EEF1AKMT4: variants seen among roughly 807,000 people sequenced by gnomAD.
EEF1AKMT4 encodes EEF1A lysine methyltransferase 4.
In EEF1AKMT4, 17 loss-of-function variants were observed where a neutral mutation model predicts 23.0. That is an observed-to-expected ratio of 0.74 (90% CI 0.51 to 1.11). EEF1AKMT4 has a LOEUF of 1.11. Among genes scored for constraint, EEF1AKMT4 ranks in the 50% least tolerant of loss-of-function variants. EEF1AKMT4 has a pLI of 0.00. For missense variants in EEF1AKMT4, 318 were observed against 333.4 expected (o/e 0.95, Z 0.36); for synonymous variants, 140 against 141.4 (o/e 0.99, Z 0.07).
intron 1 of EEF1AKMT4, 28 bp downstream of exon 1, chr3:184,249,918 G>A: frequency 6.3e-7 from 1 of 1,598,862 alleles, no homozygotes; most frequent in African/African-American, 1.3e-5. Context: ...GGCCCCGCCA[G>A]GTAGAGCTGG....
rs372482880 is a variant in EEF1AKMT4, at chr3:184,257,599, G to A, written c.323G>A (p.Arg108His). 2.5e-5 allele frequency: 41 copies of A among 1,614,176 alleles called. No individual in the cohort carries two copies. Among genetic ancestry groups the A allele is most frequent in the African/African-American group, 4.0e-5 (3 of 75,064 alleles). The part of the protein sequence containing the change: ...QARHAHVPQL[R>H]WETMDVRKLD... ...CGCCATGCCCATGTGCCGCAGCTGC[G>A]CTGGGAGACCATGGATGTGCGGAAG... Residue 108 changes from arginine to histidine, a missense_variant, in exon 2 of 3, where the codon CGC (arginine) becomes CAC (histidine). Transcript: ENST00000324557.
intron 2 of EEF1AKMT4, 40 bp from the exon 3 acceptor site, chr3:184,258,248 G>A (rs1719901231): frequency 1.3e-6 from 2 of 1,558,004 alleles, no homozygotes; most frequent in Non-Finnish European, 1.7e-6. Flanking sequence ...AGAACCTGAA[G>A]ATCCACTTCT....
rs1442158547 is a variant in EEF1AKMT4 at position 184,249,785 on chromosome 3, C to G, written c.91C>G (p.Gln31Glu). ...AGTCGAGTACTGGGATCAGCGCTACCAAGGCGCAGCCGATTCTGCCCCCTA... is the reference window on the plus strand; with the variant it reads ...AGTCGAGTACTGGGATCAGCGCTACGAAGGCGCAGCCGATTCTGCCCCCTA... The part of the protein sequence containing the change: ...REVEYWDQRY[Q>E]GAADSAPYDW... Residue 31 changes from glutamine to glutamate, a missense_variant, in exon 1 of 3, where the codon CAA (glutamine) becomes GAA (glutamate). Gln to Glu is a conservative substitution (Grantham distance 29, BLOSUM62 2). Coordinates refer to ENST00000324557, the MANE Select transcript of EEF1AKMT4 (RefSeq NM_032331.4). 6.2e-7 allele frequency: 1 copy of G among 1,613,304 alleles called. No individual in the cohort carries two copies. The highest frequency in any genetic ancestry group is 1.1e-5 in the South Asian group (1 of 91,092).
chr3:184,255,818 A>G (rs1719773443), intron 1 of EEF1AKMT4, among the ~76,000 whole-genome samples: 1 of 152,238 alleles, frequency 6.6e-6, no homozygotes, highest in Non-Finnish European at 1.5e-5. Flanking sequence ...GACTCACCTG[A>G]GGTGAGGTCC....
intron 2 of EEF1AKMT4, among the ~76,000 whole-genome samples, 165 bp downstream of exon 2, chr3:184,257,921 G>T (rs73185796): frequency 0.034 from 5,188 of 152,246 alleles, 140 homozygotes; most frequent in Non-Finnish European, 0.055. Context: ...AAGCGGGGTC[G>T]AGATTTATAG....
rs1281871341 is a variant in EEF1AKMT4 at position 184,249,893 on chromosome 3, G to A, written c.196+3G>A. 2.5e-6 allele frequency: 4 copies of A among 1,603,910 alleles called. No individual in the cohort carries two copies. The highest frequency in any genetic ancestry group is 3.4e-6 in the Non-Finnish European group (4 of 1,172,584). On this transcript the variant is annotated splice_donor_region_variant and intron_variant, in intron 1 of 2. Transcript: ENST00000324557. ...CGAGGACCGTATCCTTGTGCTAGGT[G>A]GGTAATCCCGGCGCGGCCCCGCCAG...
At chr3:184,256,141 G>C (rs995095325) in intron 1 of EEF1AKMT4, among the ~76,000 whole-genome samples, 1 of 152,016 alleles carries the variant, frequency 6.6e-6, no homozygotes, top group Non-Finnish European at 1.5e-5. Context: ...GGGCATGGTG[G>C]TGCGTGCCTG....
intron 1 of EEF1AKMT4, among the ~76,000 whole-genome samples, chr3:184,252,840 G>T (rs1273704622): frequency 1.3e-5 from 2 of 151,574 alleles, no homozygotes; most frequent in African/African-American, 4.9e-5. Flanking sequence ...CTACTCCAGA[G>T]GCTGAGGCAA....
At chr3:184,255,616 A>C (rs911721531) in intron 1 of EEF1AKMT4, among the ~76,000 whole-genome samples, 1 of 152,218 alleles carries the variant, frequency 6.6e-6, no homozygotes. Flanking sequence ...AGGCCACTGG[A>C]TCTTCTAAGG....
rs746944025 is a variant in EEF1AKMT4 at position 184,249,790 on chromosome 3, C to A, written c.96C>A (p.Gly32=). Residue 32 remains glycine, a synonymous_variant, in exon 1 of 3, where the codon GGC becomes GGA. Transcript: ENST00000324557. ...EVEYWDQRYQ[G]AADSAPYDWF... is the part of the protein sequence containing the mutation. Reference sequence around the variant, plus strand: ...AGTACTGGGATCAGCGCTACCAAGGCGCAGCCGATTCTGCCCCCTACGATT... The same window carrying A: ...AGTACTGGGATCAGCGCTACCAAGGAGCAGCCGATTCTGCCCCCTACGATT... The A allele has an allele frequency of 6.9e-5, 112 of 1,613,166 alleles. No individual in the cohort carries two copies. The highest frequency in any genetic ancestry group is 9.2e-5 in the Non-Finnish European group (108 of 1,180,008).
chr3:184,258,129 C>T (rs926416648), intron 2 of EEF1AKMT4, among the ~76,000 whole-genome samples, 159 bp from the exon 3 acceptor site: 1 of 152,146 alleles, frequency 6.6e-6, no homozygotes, highest in African/African-American at 2.4e-5. Flanking sequence ...AAGGAATGGC[C>T]AGGGGCAGAG....
chr3:184,257,188 C>T (rs963942747), intron 1 of EEF1AKMT4, among the ~76,000 whole-genome samples: 60 of 136,120 alleles, frequency 4.4e-4, no homozygotes, highest in African/African-American at 1.5e-3. Context: ...CCAGCCTGGG[C>T]GACCGAGTGA....
At chr3:184,257,210 A>C (rs1378388447) in intron 1 of EEF1AKMT4, among the ~76,000 whole-genome samples, 1 of 78,424 alleles carries the variant, frequency 1.3e-5, no homozygotes, top group African/African-American at 6.4e-5. Flanking sequence ...AATTCATCTC[A>C]AAAAAAAAAA....
rs1010696139 is a variant in EEF1AKMT4, at chr3:184,258,452, G to A, written c.645G>A (p.Gly215=). The A allele has an allele frequency of 1.9e-6, 3 of 1,613,900 alleles. No homozygotes were observed. The highest frequency in any genetic ancestry group is 1.7e-6 in the Non-Finnish European group (2 of 1,179,910). ...HFHLYLMHKG[G]KLSVAQLALG... ...ATCTCTACCTCATGCACAAGGGCGG[G>A]AAGCTCAGTGTGGCCCAGCTGGCTC... The change falls in exon 3 of 3, where the codon GGG becomes GGA. Residue 215 remains glycine (G), a synonymous_variant. Transcript: ENST00000324557.
intron 1 of EEF1AKMT4, among the ~76,000 whole-genome samples, chr3:184,252,909 T>C (rs1269780727): frequency 7.6e-6 from 1 of 131,274 alleles, no homozygotes; most frequent in Non-Finnish European, 1.5e-5. Flanking sequence ...ATTTCACCAC[T>C]GCACTCCAGC....
At chr3:184,251,689 G>A (rs1234337581) in intron 1 of EEF1AKMT4, among the ~76,000 whole-genome samples, 1 of 152,100 alleles carries the variant, frequency 6.6e-6, no homozygotes, top group Non-Finnish European at 1.5e-5. Flanking sequence ...GCGACAGAAT[G>A]AGACCCTGTC....
Position 184,253,670 on chromosome 3 carries a change from C to CTTTTTTT in EEF1AKMT4, c.197-3791_197-3785dup, listed in dbSNP as rs34648193. Among the ~76,000 whole-genome samples, 3 of 138,716 alleles carry CTTTTTTT rather than the reference C, an allele frequency of 2.2e-5. No individual in the cohort carries two copies. The South Asian group carries it at 7.0e-4, about 32-fold the overall frequency. The allele number at this position is 138,716 out of a possible 152,430, so 91.0% of individuals were successfully genotyped here. ...AAAATGGGAATAGTAATAATAGTGT[C>CTTTTTTT]TTTTTTTTTTTTTTTTTTACATGGA... On this transcript the variant is annotated intron_variant, in intron 1 of 2. Coordinates refer to ENST00000324557, the MANE Select transcript of EEF1AKMT4 (RefSeq NM_032331.4).
Position 184,258,564 on chromosome 3 carries a change from A to T in EEF1AKMT4, c.757A>T (p.Ile253Phe). ...AGATCATGAGGACTTCCTTAGTGCC[A>T]TTCAGCTCTGAGGCCAGAGCATGGT... is the stretch of plus-strand genomic sequence containing the variant. ...DSDHEDFLSAIQL is the reference protein window; with the variant it reads ...DSDHEDFLSAFQL Residue 253 changes from isoleucine (I) to phenylalanine (F), a missense_variant, in exon 3 of 3, where the codon ATT (isoleucine) becomes TTT (phenylalanine). Coordinates refer to ENST00000324557, the MANE Select transcript of EEF1AKMT4 (RefSeq NM_032331.4). 1.3e-6 allele frequency: 2 copies of T among 1,585,672 alleles called. No homozygotes were observed. The highest frequency in any genetic ancestry group is 1.7e-6 in the Non-Finnish European group (2 of 1,164,680).
intron 1 of EEF1AKMT4, among the ~76,000 whole-genome samples, chr3:184,253,028 C>G (rs1231737829): frequency 6.6e-6 from 1 of 151,280 alleles, no homozygotes; most frequent in East Asian, 1.9e-4. Flanking sequence ...AGGTGGCAAG[C>G]TGCATTTGGC....
Sources: gnomAD v4.1 joint callset for allele counts (sites outside exome capture counted in the v4.1 genomes callset) on GRCh38, gnomAD v4.1.1 for gene constraint, MANE v1.5 for transcripts, NCBI Gene and HGNC (gene_info 2026-07-23, HGNC 2026-07-21) for gene names.